RNF180: variants seen among roughly 807,000 people sequenced by gnomAD.
RNF180 encodes E3 ubiquitin-protein ligase RNF180.
Under a neutral mutation model 59.2 loss-of-function variants are expected in RNF180, and 38 were observed. The ratio of observed to expected loss-of-function variants is 0.64; its 90% CI spans 0.50 to 0.84. RNF180 has a LOEUF of 0.84. Ranked by LOEUF, RNF180 falls within the 40% of genes least tolerant of loss-of-function variation. The pLI is 0.00. For synonymous variants in RNF180, 262 were observed against 240.3 expected, an observed-to-expected ratio of 1.09 and a Z score of -0.84; for missense variants, 705 against 700.9, an observed-to-expected ratio of 1.01 and a Z score of -0.07.
At chr5:64,259,486 A>G (rs1160316361) in intron 5 of RNF180, among the ~76,000 whole-genome samples, 1 of 152,130 alleles carries the variant, frequency 6.6e-6, no homozygotes, top group Non-Finnish European at 1.5e-5. Flanking sequence ...GTGATGTTCA[A>G]CTCACACAGC....
At position 64,372,626 on chromosome 5, in the gene RNF180, A is replaced by G. The variant is rs1159657623; in HGVS notation, c.*2812A>G. 1.3e-5 allele frequency: 2 copies of G among 151,942 alleles called. No homozygotes were observed. The highest frequency in any genetic ancestry group is 2.9e-5 in the Non-Finnish European group (2 of 67,910). 9.4% of individuals were successfully genotyped at this position (151,942 alleles called of 1,614,324 possible). A position where few individuals can be genotyped will look rare whatever the true frequency, so the allele number is the denominator to read the frequency against. On this transcript the variant is annotated 3_prime_UTR_variant, in exon 8 of 8. Transcript: ENST00000389100. ...AATTTTTATATGGATTTCTCAAAGA[A>G]TGCCTTACAGAAGAGCATTCTCTGA...
intron 1 of RNF180, among the ~76,000 whole-genome samples, chr5:64,186,372 G>T (rs927029842): frequency 6.6e-6 from 1 of 151,912 alleles, no homozygotes; most frequent in Admixed American, 6.6e-5. Context: ...ATATGTTTTA[G>T]CCCGTATTTC....
rs369108809 is a variant in RNF180 at position 64,214,899 on chromosome 5, A to G, written c.1191+382A>G. Among the ~76,000 whole-genome samples, 7 of 152,218 alleles carry G rather than the reference A, an allele frequency of 4.6e-5. No individual in the cohort carries two copies. In the South Asian group the frequency reaches 6.2e-4, roughly 14 times the overall value. Reference sequence around the variant, plus strand: ...TTTTTTTAAATTTTGGGTTGAAAAAATGTTTCAGTAAATTCAATCAGGTGA... The same window carrying G: ...TTTTTTTAAATTTTGGGTTGAAAAAGTGTTTCAGTAAATTCAATCAGGTGA... On this transcript the variant is annotated intron_variant, in intron 4 of 7. Transcript: ENST00000389100.
chr5:64,178,691 CTTAA>C (rs1192364512), intron 1 of RNF180, among the ~76,000 whole-genome samples: 11 of 152,238 alleles, frequency 7.2e-5, no homozygotes, highest in Non-Finnish European at 2.9e-5. Flanking sequence ...AATGTGTCTT[CTTAA>C]TTTATTTTTT....
chr5:64,331,687 A>T (rs1468285787), intron 7 of RNF180, among the ~76,000 whole-genome samples: 1 of 152,126 alleles, frequency 6.6e-6, no homozygotes, highest in Non-Finnish European at 1.5e-5. Flanking sequence ...TGGGACAAGA[A>T]CTCAGGACCT....
intron 1 of RNF180, among the ~76,000 whole-genome samples, chr5:64,193,450 C>T (rs1254797349): frequency 6.6e-6 from 1 of 151,884 alleles, no homozygotes; most frequent in Non-Finnish European, 1.5e-5. Context: ...CCAATTGTAT[C>T]TTAATAAAGC....
chr5:64,268,721 C>A (rs1180940683), intron 5 of RNF180, among the ~76,000 whole-genome samples: 1 of 152,132 alleles, frequency 6.6e-6, no homozygotes, highest in Non-Finnish European at 1.5e-5. Context: ...TCTGTTGTTG[C>A]TCATCTACAG....
rs1297729007 is a variant in RNF180 at position 64,324,166 on chromosome 5, C to G, written c.1228-1020C>G. The stretch of plus-strand genomic sequence containing the variant: ...ACCAAAACACTTCTAATATTAAACA[C>G]TGAAATAAATGTGAGCTATACATAC... On this transcript the variant is annotated intron_variant, in intron 5 of 7. Coordinates refer to ENST00000389100, the MANE Select transcript of RNF180 (RefSeq NM_001113561.2). Among the ~76,000 whole-genome samples the G allele has an allele frequency of 5.3e-5, 8 of 152,298 alleles. No homozygotes were observed. In the South Asian group the frequency reaches 1.7e-3, roughly 32 times the overall value.
Position 64,277,717 on chromosome 5 carries a change from A to G in RNF180, c.1228-47469A>G, listed in dbSNP as rs553492081. Among the ~76,000 whole-genome samples, 4 of 152,264 alleles carry G rather than the reference A, an allele frequency of 2.6e-5. No homozygotes were observed. The South Asian group carries it at 6.2e-4, about 24-fold the overall frequency. ...CATGCATGTTGCCTCATTTTGCAAG[A>G]TGACTGACACAAATGGAAATACCAG... On this transcript the variant is annotated intron_variant, in intron 5 of 7. Transcript: ENST00000389100.
intron 1 of RNF180, among the ~76,000 whole-genome samples, chr5:64,188,154 C>T (rs1750960747): frequency 6.6e-6 from 1 of 152,160 alleles, no homozygotes; most frequent in Non-Finnish European, 1.5e-5. Context: ...ATGTTCTGCT[C>T]ATGTTAACAG....
At position 64,167,954 on chromosome 5, in the gene RNF180, A is replaced by G. The variant is rs559694301; in HGVS notation, c.-1+2001A>G. On this transcript the variant is annotated intron_variant, in intron 1 of 7. Transcript: ENST00000389100. Reference sequence around the variant, plus strand: ...CTCCACGGAAGAAAGCAGCTTTGTAACTTTGAAATGTGATTGCAGAGTCTT... The same window carrying G: ...CTCCACGGAAGAAAGCAGCTTTGTAGCTTTGAAATGTGATTGCAGAGTCTT... 3.3e-4 allele frequency among the ~76,000 whole-genome samples: 50 copies of G among 152,284 alleles called. 4 individuals carry two copies. In the South Asian group the frequency reaches 0.01, roughly 32 times the overall value.
chr5:64,359,571 C>A (rs1260575576), intron 7 of RNF180, among the ~76,000 whole-genome samples: 2 of 151,816 alleles, frequency 1.3e-5, no homozygotes, highest in Non-Finnish European at 2.9e-5. Context: ...AAAATGTTCT[C>A]CCATTCTGTA....
chr5:64,330,128 GA>G (rs1170429175), intron 6 of RNF180, among the ~76,000 whole-genome samples, 152 bp from the exon 7 acceptor site: 3 of 151,970 alleles, frequency 2.0e-5, no homozygotes, highest in East Asian at 1.9e-4. Flanking sequence ...CTTGAGTAAA[GA>G]AAAAAATGTT....
At chr5:64,358,408 A>T (rs1746111629) in intron 7 of RNF180, among the ~76,000 whole-genome samples, 1 of 151,872 alleles carries the variant, frequency 6.6e-6, no homozygotes, top group Admixed American at 6.6e-5. Context: ...AATATTTCTG[A>T]AGAGCTTTAA....
intron 4 of RNF180, among the ~76,000 whole-genome samples, chr5:64,215,519 T>G (rs1752573775): frequency 6.6e-6 from 1 of 152,182 alleles, no homozygotes; most frequent in African/African-American, 2.4e-5. Context: ...AATTTTTTAT[T>G]ATATTTTTGG....
chr5:64,241,895 G>C (rs534399627), intron 5 of RNF180, among the ~76,000 whole-genome samples: 6 of 152,070 alleles, frequency 3.9e-5, no homozygotes, highest in Non-Finnish European at 7.3e-5. Context: ...GCTAACACCA[G>C]GCCCACCACA....
chr5:64,267,402 G>A (rs554794034), intron 5 of RNF180, among the ~76,000 whole-genome samples: 2 of 151,682 alleles, frequency 1.3e-5, no homozygotes, highest in South Asian at 4.2e-4. Context: ...TGCACATTGT[G>A]CAGGTTAGTT....
chr5:64,175,306 A>T (rs1261900925), intron 1 of RNF180, among the ~76,000 whole-genome samples: 1 of 152,066 alleles, frequency 6.6e-6, no homozygotes, highest in Admixed American at 6.5e-5. Flanking sequence ...TTCATATGGT[A>T]GAAGACGGGG....
At chr5:64,324,875 A>T (rs893834417) in intron 5 of RNF180, among the ~76,000 whole-genome samples, 1 of 152,188 alleles carries the variant, frequency 6.6e-6, no homozygotes, top group Non-Finnish European at 1.5e-5. Flanking sequence ...GAGAATCTAC[A>T]TAATTCTGGG....
Sources: gnomAD v4.1 joint callset for allele counts (sites outside exome capture counted in the v4.1 genomes callset) on GRCh38, gnomAD v4.1.1 for gene constraint, MANE v1.5 for transcripts, NCBI Gene and HGNC (gene_info 2026-07-23, HGNC 2026-07-21) for gene names.